PIK3CA: variants seen among roughly 807,000 people sequenced by gnomAD.
The protein encoded by PIK3CA is phosphatidylinositol 4,5-bisphosphate 3-kinase catalytic subunit alpha isoform.
Under a neutral mutation model 138.2 loss-of-function variants are expected in PIK3CA, and 27 were observed. The ratio of observed to expected loss-of-function variants is 0.20; its 90% CI spans 0.14 to 0.27. The LOEUF (loss-of-function observed/expected upper bound fraction) is 0.27, where lower values mean the gene tolerates loss of function less well. PIK3CA is among the 10% of genes least tolerant of loss of function. The probability of loss-of-function intolerance (pLI) is 1.00; values close to 1 mark genes in which losing one functional copy is unlikely to be tolerated. For missense variants in PIK3CA, 544 were observed against 1,277.4 expected, an observed-to-expected ratio of 0.43 and a Z score of 8.75; for synonymous variants, 358 against 413.2, an observed-to-expected ratio of 0.87 and a Z score of 1.62.
intron 1 of PIK3CA, among the ~76,000 whole-genome samples, chr3:179,193,570 T>C (rs1372576113): frequency 2.6e-5 from 4 of 152,372 alleles, no homozygotes; most frequent in Middle Eastern, 3.4e-3. Context: ...TGTGTTTTAA[T>C]ATAACACAGT....
intron 1 of PIK3CA, among the ~76,000 whole-genome samples, chr3:179,149,306 C>T (rs61453354): frequency 1.3e-5 from 2 of 152,026 alleles, no homozygotes; most frequent in Non-Finnish European, 1.5e-5. Flanking sequence ...TTCCATGGCT[C>T]TTAAGTGGCT....
chr3:179,233,223 C>T (rs992431709), intron 20 of PIK3CA: 6 of 397,308 alleles, frequency 1.5e-5, no homozygotes, highest in Admixed American at 1.3e-4. Flanking sequence ...CATTGGTAAA[C>T]AGCTATAGTT....
intron 1 of PIK3CA, among the ~76,000 whole-genome samples, chr3:179,191,379 A>T (rs1427924803): frequency 6.6e-6 from 1 of 152,200 alleles, no homozygotes; most frequent in Non-Finnish European, 1.5e-5. Flanking sequence ...ATCTAAAAGT[A>T]TGGGTAAAAC....
At chr3:179,154,684 G>A (rs1723092148) in intron 1 of PIK3CA, among the ~76,000 whole-genome samples, 1 of 152,120 alleles carries the variant, frequency 6.6e-6, no homozygotes, top group South Asian at 2.1e-4. Context: ...AACATAATGA[G>A]ATAATTCAAA....
chr3:179,199,919 A>T lies in PIK3CA; in HGVS notation c.562+20A>T, dbSNP rs749141814. 1 of 1,408,164 alleles carries T rather than the reference A, an allele frequency of 7.1e-7. No individual in the cohort carries two copies. The highest frequency in any genetic ancestry group is 1.0e-6 in the Non-Finnish European group (1 of 994,268). The allele number at this position is 1,408,164 out of a possible 1,614,324, so 87.2% of individuals were successfully genotyped here. A position where few individuals can be genotyped will look rare whatever the true frequency, so the allele number is the denominator to read the frequency against. On this transcript the variant is annotated intron_variant, in intron 3 of 20. Coordinates refer to ENST00000263967, the MANE Select transcript of PIK3CA (RefSeq NM_006218.4). The stretch of plus-strand genomic sequence containing the variant: ...ATAAAGGTAAGAAAATGACTAATCT[A>T]CTCTAATCATTACTATAGTGCAGTC...
At chr3:179,231,693 G>A (rs1725217164) in intron 20 of PIK3CA, among the ~76,000 whole-genome samples, 1 of 132,842 alleles carries the variant, frequency 7.5e-6, no homozygotes, top group African/African-American at 3.0e-5. Context: ...CCAGGCTGGA[G>A]TACAATGGCA....
intron 1 of PIK3CA, among the ~76,000 whole-genome samples, chr3:179,196,493 A>G (rs1299278764): frequency 3.3e-5 from 5 of 152,238 alleles, no homozygotes; most frequent in African/African-American, 2.4e-5. Context: ...AAAAAGGACA[A>G]TTATTTTAAA....
intron 1 of PIK3CA, among the ~76,000 whole-genome samples, chr3:179,197,298 A>G (rs1724291155): frequency 6.6e-6 from 1 of 152,094 alleles, no homozygotes; most frequent in African/African-American, 2.4e-5. Context: ...CAGCCTCCCA[A>G]AATGCTAGGA....
intron 2 of PIK3CA, 99 bp downstream of exon 2, chr3:179,199,276 T>A (rs970481153): frequency 1.5e-6 from 1 of 687,358 alleles, no homozygotes; most frequent in Non-Finnish European, 2.3e-6. Flanking sequence ...CTTCGTAATC[T>A]TAAATAGCTT....
Position 179,220,850 on chromosome 3 carries a change from G to T in PIK3CA, c.2016-136G>T, listed in dbSNP as rs1724948660. 1 of 491,518 alleles carries T rather than the reference G, an allele frequency of 2.0e-6. No individual in the cohort carries two copies. The highest frequency in any genetic ancestry group is 6.6e-5 in the South Asian group (1 of 15,132). 30.4% of individuals were successfully genotyped at this position (491,518 alleles called of 1,614,324 possible). A position where few individuals can be genotyped will look rare whatever the true frequency, so the allele number is the denominator to read the frequency against. ...GTTTTGTTTCTAAATTACAGGTTTT[G>T]AATAATTTTATTATTAGTATGATTG... On this transcript the variant is annotated intron_variant, in intron 13 of 20. Transcript: ENST00000263967. This position sits in a 1 kb window ranked among gnomAD's most constrained non-coding sequence, Gnocchi z 4.1.
chr3:179,207,584 T>C (rs1724598405), intron 6 of PIK3CA, among the ~76,000 whole-genome samples: 2 of 151,470 alleles, frequency 1.3e-5, no homozygotes. Context: ...TCTTGCTCTG[T>C]CGCCCAGGCT....
At chr3:179,200,945 G>C (rs1724394578) in intron 3 of PIK3CA, among the ~76,000 whole-genome samples, 1 of 151,848 alleles carries the variant, frequency 6.6e-6, no homozygotes, top group Non-Finnish European at 1.5e-5. Flanking sequence ...TCCACCTTAG[G>C]CACTGTCAAA....
intron 17 of PIK3CA, among the ~76,000 whole-genome samples, chr3:179,226,420 A>G (rs1349262476): frequency 6.6e-6 from 1 of 152,160 alleles, no homozygotes; most frequent in African/African-American, 2.4e-5. Context: ...TCAGTTTTGC[A>G]GCAAAATTAT....
chr3:179,187,920 AG>A (rs1330676316), intron 1 of PIK3CA, among the ~76,000 whole-genome samples: 4 of 152,194 alleles, frequency 2.6e-5, no homozygotes, highest in African/African-American at 9.6e-5. Flanking sequence ...TATAGGCATG[AG>A]CCACCATGCC....
Position 179,224,161 on chromosome 3 carries a change from C to T in PIK3CA, c.2268C>T (p.Asn756=), listed in dbSNP as rs2108416902. ...DALQGFLSPL[N]PAHQLGNLRL... ...TACAGGGCTTTCTGTCTCCTCTAAA[C>T]CCTGCTCATCAACTAGGAAACCTCA... Residue 756 remains asparagine, a synonymous_variant, in exon 15 of 21, where the codon AAC becomes AAT. Transcript: ENST00000263967. 6.3e-7 allele frequency: 1 copy of T among 1,580,048 alleles called. No individual in the cohort carries two copies. The highest frequency in any genetic ancestry group is 8.7e-7 in the Non-Finnish European group (1 of 1,155,936).
chr3:179,197,924 C>T (rs905015276), intron 1 of PIK3CA, among the ~76,000 whole-genome samples: 4 of 152,080 alleles, frequency 2.6e-5, no homozygotes, highest in East Asian at 3.9e-4. Flanking sequence ...CTTAATAGTT[C>T]TTAAAATATT....
In PIK3CA at chr3:179,219,165, T is replaced by G; in HGVS notation, c.1665-31T>G. ...CAACCTTTTGAACAGCATGCAAGAA[T>G]GTTTATGTTTATTTTGTTTCTCCCA... On this transcript the variant is annotated intron_variant, in intron 10 of 20. Transcript: ENST00000263967. The surrounding 1 kb of genome is among the most constrained non-coding windows in gnomAD (Gnocchi z 4.2). The G allele has an allele frequency of 7.5e-7, 1 of 1,327,428 alleles. No homozygotes were observed. Among genetic ancestry groups the G allele is most frequent in the African/African-American group, 1.4e-5 (1 of 69,328 alleles). The allele number at this position is 1,327,428 out of a possible 1,614,324, so 82.2% of individuals were successfully genotyped here.
intron 6 of PIK3CA, among the ~76,000 whole-genome samples, chr3:179,207,895 C>A (rs1337240462): frequency 6.6e-6 from 1 of 151,978 alleles, no homozygotes; most frequent in African/African-American, 2.4e-5. Context: ...ATATGTGTTA[C>A]TGGGCATGGT....
At chr3:179,187,133 G>A (rs1576926250) in intron 1 of PIK3CA, among the ~76,000 whole-genome samples, 1 of 151,864 alleles carries the variant, frequency 6.6e-6, no homozygotes, top group Non-Finnish European at 1.5e-5. Context: ...TTTACTAAGT[G>A]TAGGAGTTCT....
Sources: allele counts gnomAD v4.1 joint callset (sites outside exome capture counted in the v4.1 genomes callset), GRCh38; gene constraint gnomAD v4.1.1; non-coding constraint Gnocchi (gnomAD v3.1); transcripts MANE v1.5; gene names NCBI Gene and HGNC (gene_info 2026-07-23, HGNC 2026-07-21).